Variants in DIS3L2 observed in about 807,000 individuals in gnomAD.
The protein encoded by DIS3L2 is DIS3-like exonuclease 2.
DIS3L2 carries 34 observed loss-of-function variants against 97.5 expected under a neutral mutation model. The ratio of observed to expected loss-of-function variants is 0.35; its 90% CI spans 0.27 to 0.46. The LOEUF (loss-of-function observed/expected upper bound fraction) is 0.46, where lower values mean the gene tolerates loss of function less well. Ranked by LOEUF, DIS3L2 falls within the 20% of genes least tolerant of loss-of-function variation. The pLI, the probability that DIS3L2 is intolerant of heterozygous loss-of-function variation, is 1.00. For synonymous variants in DIS3L2, 435 were observed against 445.2 expected (o/e 0.98, Z 0.29); for missense variants, 1,038 against 1,146.0 (o/e 0.91, Z 1.36).
intron 1 of DIS3L2, among the ~76,000 whole-genome samples, chr2:231,965,004 G>A (rs972637520): frequency 4.6e-5 from 7 of 152,142 alleles, no homozygotes; most frequent in African/African-American, 1.2e-4. Flanking sequence ...GTGGCATTTC[G>A]AAGTTCTTAT....
chr2:232,308,625 A>G (rs931251150), intron 14 of DIS3L2, among the ~76,000 whole-genome samples: 15 of 152,260 alleles, frequency 9.9e-5, no homozygotes, highest in African/African-American at 3.6e-4. Context: ...CTTGAAGGAC[A>G]GTACTCCTTG....
chr2:231,967,155 G>A (rs552331916), intron 1 of DIS3L2, among the ~76,000 whole-genome samples: 1 of 152,316 alleles, frequency 6.6e-6, no homozygotes, highest in South Asian at 2.1e-4. Flanking sequence ...GAAATCATGA[G>A]GGGAGAAGGG....
At chr2:231,966,528 G>C (rs894592319) in intron 1 of DIS3L2, among the ~76,000 whole-genome samples, 5 of 151,276 alleles carry the variant, frequency 3.3e-5, no homozygotes, top group Admixed American at 1.3e-4. Flanking sequence ...GCAGTAGTGT[G>C]ATCATAGCTC....
intron 8 of DIS3L2, among the ~76,000 whole-genome samples, chr2:232,162,753 T>C (rs914630136): frequency 2.4e-4 from 37 of 152,186 alleles, no homozygotes; most frequent in African/African-American, 8.4e-4. Context: ...AAATTTAGAC[T>C]TGTGATCTGT....
chr2:232,204,887 G>T (rs185743766), intron 9 of DIS3L2, among the ~76,000 whole-genome samples: 1 of 152,144 alleles, frequency 6.6e-6, no homozygotes. Flanking sequence ...TGGCAGGCTC[G>T]TAATTGCGGT....
rs376206287 is a variant in DIS3L2 at position 231,987,694 on chromosome 2, G to C, written c.-94+25929G>C. On this transcript the variant is annotated intron_variant, in intron 1 of 20. Coordinates refer to ENST00000325385, the MANE Select transcript of DIS3L2 (RefSeq NM_152383.5). ...TTTCCCTGGAGTCTGTAGACTTTGG[G>C]TTTGTTTTGTCTCCATGAGAAGCAG... Among the ~76,000 whole-genome samples, 57 of 152,268 alleles carry C rather than the reference G, an allele frequency of 3.7e-4. No individual in the cohort carries two copies. In the East Asian group the frequency reaches 8.7e-3, roughly 23 times the overall value.
intron 14 of DIS3L2, among the ~76,000 whole-genome samples, chr2:232,324,761 A>C (rs143620945): frequency 4.6e-4 from 70 of 152,320 alleles, no homozygotes; most frequent in African/African-American, 1.5e-3. Flanking sequence ...GATGTGTAAT[A>C]ATAATGTCTT....
At chr2:232,329,785 T>TCCCGGGGGGGGGGGCCCCC in intron 14 of DIS3L2, 28 bp from the exon 15 acceptor site, 1 of 967,134 alleles carries the variant, frequency 1.0e-6, no homozygotes, top group Non-Finnish European at 1.5e-6. Flanking sequence ...ACCCCAGCGG[T>TCCCGGGGGGGGGGGCCCCC]CCCTCCCATC....
chr2:232,332,989 A>T (rs966873949), intron 16 of DIS3L2, among the ~76,000 whole-genome samples: 1 of 151,814 alleles, frequency 6.6e-6, no homozygotes, highest in African/African-American at 2.4e-5. Context: ...GGGAGGATGG[A>T]CGTTGCCTCC....
intron 9 of DIS3L2, among the ~76,000 whole-genome samples, chr2:232,203,754 C>T (rs893073302): frequency 7.2e-5 from 11 of 152,084 alleles, no homozygotes; most frequent in Admixed American, 2.0e-4. Context: ...ATGGGTAGGG[C>T]GCATGGGGGA....
intron 8 of DIS3L2, among the ~76,000 whole-genome samples, chr2:232,143,891 TA>T (rs924909495): frequency 5.4e-4 from 82 of 151,828 alleles, no homozygotes; most frequent in African/African-American, 1.7e-3. Context: ...AAAATGTATT[TA>T]AAAAAAAATT....
chr2:232,307,360 G>T (rs776730666), intron 14 of DIS3L2, among the ~76,000 whole-genome samples: 60 of 152,210 alleles, frequency 3.9e-4, no homozygotes, highest in Non-Finnish European at 7.3e-4. Context: ...TTTGCCGTAG[G>T]ATTATCATGA....
chr2:231,984,916 C>T (rs543134154), intron 1 of DIS3L2, among the ~76,000 whole-genome samples: 8 of 152,290 alleles, frequency 5.3e-5, no homozygotes, highest in Middle Eastern at 3.4e-3. Context: ...CCACTGTGCC[C>T]GGCAAATTAA....
At chr2:232,063,483 G>GT (rs1034548887) in intron 5 of DIS3L2, among the ~76,000 whole-genome samples, 80 of 151,770 alleles carry the variant, frequency 5.3e-4, no homozygotes, top group Non-Finnish European at 8.4e-4. Context: ...TGGATTTTTT[G>GT]TTTTTTTTGT....
chr2:232,279,508 T>G (rs763471523), intron 13 of DIS3L2, among the ~76,000 whole-genome samples: 7 of 4,002 alleles, frequency 1.7e-3, no homozygotes, highest in South Asian at 0.014. Flanking sequence ...GTGTGTGTGT[T>G]TGTTTGTTTG....
intron 13 of DIS3L2, among the ~76,000 whole-genome samples, chr2:232,342,713 T>C (rs1446541897): frequency 6.6e-6 from 1 of 152,188 alleles, no homozygotes; most frequent in Non-Finnish European, 1.5e-5. Context: ...ACTTAAAGCC[T>C]CAAGTAGCAG....
At chr2:232,137,076 A>G (rs1309029224) in intron 8 of DIS3L2, among the ~76,000 whole-genome samples, 1 of 152,224 alleles carries the variant, frequency 6.6e-6, no homozygotes, top group East Asian at 1.9e-4. Context: ...GTGTTAAACC[A>G]TGCAAAGTCT....
chr2:232,086,696 GAC>G (rs1187423005), intron 5 of DIS3L2, among the ~76,000 whole-genome samples: 3 of 98,546 alleles, frequency 3.0e-5, no homozygotes, highest in African/African-American at 8.4e-5. Context: ...TATTTTTTGA[GAC>G]AGAGTCTCGC....
intron 6 of DIS3L2, among the ~76,000 whole-genome samples, chr2:232,127,005 T>A (rs1471100323): frequency 1.3e-5 from 2 of 152,214 alleles, no homozygotes; most frequent in Non-Finnish European, 2.9e-5. Flanking sequence ...ACTTCCTCAG[T>A]GAATTTTCTT....
Sources: allele counts gnomAD v4.1 joint callset (sites outside exome capture counted in the v4.1 genomes callset), GRCh38; gene constraint gnomAD v4.1.1; transcripts MANE v1.5; gene names NCBI Gene and HGNC (gene_info 2026-07-23, HGNC 2026-07-21).